Variants in RIMS1 observed in about 807,000 individuals in gnomAD.
The protein encoded by RIMS1 is regulating synaptic membrane exocytosis 1.
A neutral mutation model predicts 214.1 loss-of-function variants in RIMS1; 83 were observed. The ratio of observed to expected loss-of-function variants is 0.39; its 90% CI spans 0.32 to 0.47. The LOEUF is 0.47. RIMS1 is among the 20% of genes least tolerant of loss of function. The pLI, the probability that RIMS1 is intolerant of heterozygous loss-of-function variation, is 0.99. For synonymous variants in RIMS1, 793 were observed against 786.8 expected (o/e 1.01, Z -0.13); for missense variants, 2,050 against 2,161.8 (o/e 0.95, Z 1.03).
chr6:72,009,422 A>G (rs1184216421), intron 2 of RIMS1, among the ~76,000 whole-genome samples: 1 of 152,212 alleles, frequency 6.6e-6, no homozygotes, highest in Non-Finnish European at 1.5e-5. Flanking sequence ...GAGCTAGAGA[A>G]GCAAAAGCAA....
chr6:72,033,518 G>T (rs551764976), intron 2 of RIMS1, among the ~76,000 whole-genome samples: 1 of 151,804 alleles, frequency 6.6e-6, no homozygotes, highest in African/African-American at 2.4e-5. Context: ...TGCTCTTGTT[G>T]CCCAGGCTGG....
chr6:72,073,391 A>G (rs1049511917), intron 2 of RIMS1, among the ~76,000 whole-genome samples: 1 of 152,220 alleles, frequency 6.6e-6, no homozygotes, highest in Non-Finnish European at 1.5e-5. Flanking sequence ...ACTGAGACTC[A>G]TTGCTAGCAG....
At chr6:72,169,806 G>A (rs980973282) in intron 4 of RIMS1, among the ~76,000 whole-genome samples, 2 of 152,154 alleles carry the variant, frequency 1.3e-5, no homozygotes, top group African/African-American at 4.8e-5. Context: ...AGCTACTTGG[G>A]AGGAAGAGGC....
At chr6:72,216,910 T>C in intron 6 of RIMS1, 1 of 1,241,118 alleles carries the variant, frequency 8.1e-7, no homozygotes, top group African/African-American at 1.5e-5. Flanking sequence ...CACAGAGCAC[T>C]ATAGATTAAT....
intron 2 of RIMS1, among the ~76,000 whole-genome samples, chr6:71,974,109 T>C (rs931681218): frequency 6.6e-6 from 1 of 152,122 alleles, no homozygotes; most frequent in Non-Finnish European, 1.5e-5. Context: ...TAGATCTGGA[T>C]TGATCACCTT....
chr6:72,174,117 C>T (rs536436104), intron 4 of RIMS1, among the ~76,000 whole-genome samples: 6 of 152,320 alleles, frequency 3.9e-5, no homozygotes, highest in East Asian at 1.9e-4. Context: ...TTGGTTACGG[C>T]CCTCCTCCAT....
intron 2 of RIMS1, among the ~76,000 whole-genome samples, chr6:72,028,872 C>G (rs1817291205): frequency 6.6e-6 from 1 of 152,176 alleles, no homozygotes; most frequent in Admixed American, 6.6e-5. Context: ...GTGTGCTCAT[C>G]TTTCCTTTAT....
At chr6:72,107,135 T>C (rs903044010) in intron 4 of RIMS1, among the ~76,000 whole-genome samples, 1 of 152,198 alleles carries the variant, frequency 6.6e-6, no homozygotes, top group African/African-American at 2.4e-5. Context: ...TTACACTTCA[T>C]CATTATCACA....
At chr6:71,900,730 G>A (rs1335599249) in intron 1 of RIMS1, among the ~76,000 whole-genome samples, 1 of 152,052 alleles carries the variant, frequency 6.6e-6, no homozygotes, top group East Asian at 1.9e-4. Flanking sequence ...ATTTAGTCCT[G>A]GTTATTTGGC....
chr6:72,364,402 C>G (rs151088576), intron 29 of RIMS1, among the ~76,000 whole-genome samples: 1 of 152,168 alleles, frequency 6.6e-6, no homozygotes, highest in Non-Finnish European at 1.5e-5. Flanking sequence ...GGAGGCTGTA[C>G]TCTATGTGCA....
At position 71,887,206 on chromosome 6, in the gene RIMS1, C is replaced by T. The variant is rs776768970; in HGVS notation, c.164+19C>T. ...TGCTCAAGTAAGCCAGCCCCAGCCG[C>T]GCCATCCATGCCTCCGTGCCTCCAT... On this transcript the variant is annotated intron_variant, in intron 1 of 33. Transcript: ENST00000521978. 40 of 1,594,710 alleles carry T rather than the reference C, an allele frequency of 2.5e-5. No individual in the cohort carries two copies. The highest frequency in any genetic ancestry group is 6.7e-5 in the African/African-American group (5 of 74,434).
In RIMS1 at chr6:72,097,127, C is replaced by T. The variant is rs2031986539; in HGVS notation, c.424C>T (p.Arg142Cys). The T allele has an allele frequency of 1.2e-6, 2 of 1,613,948 alleles. No individual in the cohort carries two copies. The highest frequency in any genetic ancestry group is 1.7e-6 in the Non-Finnish European group (2 of 1,179,862). The change falls in exon 3 of 34, where the codon CGC (arginine) becomes TGC (cysteine). Residue 142 changes from arginine to cysteine, a missense_variant. Arg to Cys is a radical substitution (Grantham distance 180). This residue lies in a region of RIMS1 where 882 missense variants were observed against 828.9 expected (regional missense o/e 1.06). Coordinates refer to ENST00000521978, the MANE Select transcript of RIMS1 (RefSeq NM_014989.7). ...CTATTGTCGCACTAAGTTCTGTGCG[C>T]GCTGCGGAGGCCGCGTGTCTCTACG... The part of the protein sequence containing the change: ...CSYCRTKFCA[R>C]CGGRVSLRSN...
chr6:72,380,635 T>C (rs1182373830), intron 29 of RIMS1, among the ~76,000 whole-genome samples: 1 of 152,214 alleles, frequency 6.6e-6, no homozygotes, highest in African/African-American at 2.4e-5. Flanking sequence ...ATCTGAGCCT[T>C]TATCTTCCTG....
intron 19 of RIMS1, chr6:72,263,245 C>T (rs1404930568): frequency 1.0e-6 from 1 of 984,812 alleles, no homozygotes; most frequent in Non-Finnish European, 1.2e-6. Flanking sequence ...TTTCTTTTCT[C>T]CCAAATTGTT....
At chr6:71,992,438 C>A (rs1189852094) in intron 2 of RIMS1, among the ~76,000 whole-genome samples, 1 of 145,124 alleles carries the variant, frequency 6.9e-6, no homozygotes, top group Non-Finnish European at 1.5e-5. Flanking sequence ...TTCTTTCTTT[C>A]TTTCTTTCTT....
chr6:72,062,914 A>G (rs938912722), intron 2 of RIMS1, among the ~76,000 whole-genome samples: 7 of 152,096 alleles, frequency 4.6e-5, no homozygotes, highest in Admixed American at 4.6e-4. Flanking sequence ...CCTTTTCATA[A>G]GCCCTAATGG....
rs183251786 is a variant in RIMS1, at chr6:72,146,625, T to A, written c.472-32950T>A. ...AATAACCTTTTGAATTTAGTCAATA[T>A]GTTCATACACAGAATTTCTTTTACA... On this transcript the variant is annotated intron_variant, in intron 4 of 33. Transcript: ENST00000521978. Among the ~76,000 whole-genome samples the A allele has an allele frequency of 3.5e-3, 527 of 152,356 alleles. 3 individuals carry two copies. Among genetic ancestry groups the A allele is most frequent in the African/African-American group, 0.012 (504 of 41,594 alleles).
intron 12 of RIMS1, among the ~76,000 whole-genome samples, chr6:72,249,957 A>G (rs1161693853): frequency 6.6e-6 from 1 of 152,156 alleles, no homozygotes; most frequent in Non-Finnish European, 1.5e-5. Flanking sequence ...TAGTCACGCT[A>G]TAATAATTTA....
chr6:72,161,523 T>C (rs2045408705), intron 4 of RIMS1, among the ~76,000 whole-genome samples: 1 of 140,610 alleles, frequency 7.1e-6, no homozygotes, highest in Admixed American at 7.3e-5. Flanking sequence ...TTGTGGGCAT[T>C]TAGTGCTATA....
Sources: allele counts gnomAD v4.1 joint callset (sites outside exome capture counted in the v4.1 genomes callset), GRCh38; gene constraint gnomAD v4.1.1; regional missense constraint gnomAD v4.1.1; transcripts MANE v1.5; gene names NCBI Gene and HGNC (gene_info 2026-07-23, HGNC 2026-07-21).